Variants in LCP2 observed in about 807,000 individuals in gnomAD.
LCP2 encodes 76 kDa tyrosine phosphoprotein.
In LCP2, 29 loss-of-function variants were observed where a neutral mutation model predicts 74.5. That is an observed-to-expected ratio of 0.39 (90% CI 0.29 to 0.53). LCP2 has a LOEUF of 0.53. LCP2 is among the 20% of genes least tolerant of loss of function. The pLI is 0.72. For synonymous variants in LCP2, 228 were observed against 229.5 expected (o/e 0.99, Z 0.06); for missense variants, 604 against 634.6 (o/e 0.95, Z 0.52).
rs1312736694 is a variant in LCP2 at position 170,266,872 on chromosome 5, G to C, written c.708C>G (p.Asp236Glu). ...GATCTAGGGGAGGTTTCGTGCTTCTGTCTATTGAAGGAGCAGGGACTGGAA... is the reference window on the plus strand; with the variant it reads ...GATCTAGGGGAGGTTTCGTGCTTCTCTCTATTGAAGGAGCAGGGACTGGAA... ...KTAKLPAPSI[D>E]RSTKPPLDRS... is the part of the protein sequence containing the mutation. Residue 236 changes from aspartate to glutamate, a missense_variant, in exon 10 of 21, where the codon GAC becomes GAG. Asp to Glu is a conservative substitution (Grantham distance 45, BLOSUM62 2). Coordinates refer to ENST00000046794, the MANE Select transcript of LCP2 (RefSeq NM_005565.5). The C allele has an allele frequency of 3.1e-6, 5 of 1,613,872 alleles. No homozygotes were observed. The highest frequency in any genetic ancestry group is 4.2e-6 in the Non-Finnish European group (5 of 1,179,790).
In LCP2 at chr5:170,246,788, A is replaced by C. The variant is rs1294025806; in HGVS notation, c.*1909T>G. The C allele has an allele frequency of 5.3e-5, 8 of 152,362 alleles. No individual in the cohort carries two copies. Among genetic ancestry groups the C allele is most frequent in the Middle Eastern group, 6.8e-3 (2 of 294 alleles). The allele number at this position is 152,362 out of a possible 1,614,324, so 9.4% of individuals were successfully genotyped here. A position where few individuals can be genotyped will look rare whatever the true frequency, so the allele number is the denominator to read the frequency against. On this transcript the variant is annotated 3_prime_UTR_variant, in exon 21 of 21. Transcript: ENST00000046794. Reference sequence around the variant, plus strand: ...GGTTCTGAGCAACTGTGACTGATGCACCTGGGGTCATATAGAAGGTCTGTG... The same window carrying C: ...GGTTCTGAGCAACTGTGACTGATGCCCCTGGGGTCATATAGAAGGTCTGTG...
chr5:170,268,496 A>G lies in LCP2; in HGVS notation c.524-14T>C, dbSNP rs1761814975. The G allele has an allele frequency of 4.0e-6, 1 of 250,878 alleles. No homozygotes were observed. Among genetic ancestry groups the G allele is most frequent in the Non-Finnish European group, 8.5e-6 (1 of 117,934 alleles). The allele number at this position is 250,878 out of a possible 1,614,324, so 15.5% of individuals were successfully genotyped here. A position where few individuals can be genotyped will look rare whatever the true frequency, so the allele number is the denominator to read the frequency against. On this transcript the variant is annotated splice_polypyrimidine_tract_variant and intron_variant, in intron 7 of 20. Transcript: ENST00000046794. ...AGGGGGGCCGGTCTGTGGAAACACA[A>G]GGTTATTAAAGTGAAAGGGGAGTAT...
intron 13 of LCP2, among the ~76,000 whole-genome samples, chr5:170,261,389 ATG>A (rs1554139945): frequency 2.3e-4 from 34 of 146,328 alleles, no homozygotes; most frequent in South Asian, 4.4e-4. Context: ...GCAAATAATT[ATG>A]TGTGTGTGTG....
At chr5:170,297,235 C>A (rs1762406025) in intron 1 of LCP2, among the ~76,000 whole-genome samples, 1 of 152,154 alleles carries the variant, frequency 6.6e-6, no homozygotes, top group Non-Finnish European at 1.5e-5. Flanking sequence ...ACAATGCTGA[C>A]CTCACAACAT....
intron 20 of LCP2, 92 bp from the exon 21 acceptor site, chr5:170,248,911 C>T: frequency 8.0e-7 from 1 of 1,249,286 alleles, no homozygotes; most frequent in Admixed American, 1.9e-5. Flanking sequence ...TATATGCTGC[C>T]TCTTCAAGTG....
At chr5:170,271,071 T>G (rs375467226) in intron 6 of LCP2, among the ~76,000 whole-genome samples, 154 bp from the exon 7 acceptor site, 1 of 152,170 alleles carries the variant, frequency 6.6e-6, no homozygotes, top group Non-Finnish European at 1.5e-5. Context: ...ATGAGGAATC[T>G]GAGGTCAGGG....
At chr5:170,264,000 C>T (rs953711619) in intron 10 of LCP2, among the ~76,000 whole-genome samples, 7 of 152,190 alleles carry the variant, frequency 4.6e-5, no homozygotes, top group African/African-American at 1.7e-4. Flanking sequence ...CATAACATTG[C>T]TCCAGAAATG....
chr5:170,258,240 C>T, intron 15 of LCP2, 74 bp from the exon 16 acceptor site: 1 of 1,520,726 alleles, frequency 6.6e-7, no homozygotes, highest in South Asian at 1.1e-5. Context: ...CATAACCGCC[C>T]CCCAGTTAGA....
In LCP2 at chr5:170,253,120, T is replaced by G; in HGVS notation, c.1244A>C (p.Glu415Ala). 6.2e-7 allele frequency: 1 copy of G among 1,602,974 alleles called. No homozygotes were observed. Among genetic ancestry groups the G allele is most frequent in the Non-Finnish European group, 8.5e-7 (1 of 1,172,356 alleles). ...KPRPPSPAEE[E>A]NSLNEEWYVS... is the part of the protein sequence containing the mutation. ...AAAAATAAAAACATGCTCTCTTACC[T>G]CTTCCTCCGCGGGGGATGGGGGCCG... The change falls in exon 18 of 21, where the codon GAG (glutamate) becomes GCG (alanine). Residue 415 changes from glutamate (E) to alanine (A), a missense_variant and splice_region_variant. Transcript: ENST00000046794.
intron 2 of LCP2, among the ~76,000 whole-genome samples, chr5:170,290,540 A>G (rs1457581995): frequency 6.6e-6 from 1 of 152,148 alleles, no homozygotes; most frequent in Non-Finnish European, 1.5e-5. Flanking sequence ...ACCATTCACC[A>G]TACACCTTCT....
At chr5:170,276,981 C>T (rs1762017437) in intron 3 of LCP2, among the ~76,000 whole-genome samples, 1 of 148,220 alleles carries the variant, frequency 6.7e-6, no homozygotes, top group Non-Finnish European at 1.5e-5. Context: ...GAGACTGAGG[C>T]AGAAGAATCA....
In LCP2 at chr5:170,289,671, T is replaced by TTCTTTCTCTC. The variant is rs1554141414; in HGVS notation, c.142-1656_142-1655insGAGAGAAAGA. Among the ~76,000 whole-genome samples, 443 of 84,034 alleles carry TTCTTTCTCTC rather than the reference T, an allele frequency of 5.3e-3. 1 individual carries two copies. The highest frequency in any genetic ancestry group is 0.014 in the Middle Eastern group (2 of 146). The allele number at this position is 84,034 out of a possible 152,430, so 55.1% of individuals were successfully genotyped here. On this transcript the variant is annotated intron_variant, in intron 2 of 20. Transcript: ENST00000046794. ...TTTCTTTCTTTCTTTCTTTCTTTCT[T>TTCTTTCTCTC]TCTCTCTCTCTCTCTTTCTTTCTTT...
At chr5:170,289,840 G>C (rs1471598469) in intron 2 of LCP2, among the ~76,000 whole-genome samples, 1 of 149,870 alleles carries the variant, frequency 6.7e-6, no homozygotes, top group Non-Finnish European at 1.5e-5. Flanking sequence ...CATGTTTTGA[G>C]TGTGGTGTGA....
chr5:170,288,580 C>T (rs1199803955), intron 2 of LCP2, among the ~76,000 whole-genome samples: 1 of 152,196 alleles, frequency 6.6e-6, no homozygotes, highest in South Asian at 2.1e-4. Context: ...GAGAAAGAAA[C>T]TCATATTTGT....
intron 8 of LCP2, among the ~76,000 whole-genome samples, chr5:170,267,481 G>A (rs951138246): frequency 1.3e-5 from 2 of 152,096 alleles, no homozygotes; most frequent in Middle Eastern, 3.4e-3. Flanking sequence ...TCAAGGTTAT[G>A]CCCTCTTTGG....
intron 2 of LCP2, among the ~76,000 whole-genome samples, chr5:170,289,613 TTCTTTTTCTTTCTTTCTTTCTTTCTTTC>T (rs1436682743): frequency 1.4e-5 from 2 of 144,014 alleles, no homozygotes; most frequent in African/African-American, 2.7e-5. Flanking sequence ...CTTTCTTTCT[TTCTTTTTCTTTCTTTCTTTCTTTCTTTC>T]TTTCTTTCTT....
intron 10 of LCP2, among the ~76,000 whole-genome samples, 155 bp downstream of exon 10, chr5:170,266,653 G>A (rs994355381): frequency 2.6e-5 from 4 of 152,276 alleles, no homozygotes; most frequent in East Asian, 3.9e-4. Flanking sequence ...TTGTGTCTCC[G>A]TTTCCTTATC....
chr5:170,273,443 C>CAA (rs1171589661), intron 6 of LCP2, among the ~76,000 whole-genome samples: 1 of 151,960 alleles, frequency 6.6e-6, no homozygotes, highest in Admixed American at 6.5e-5. Flanking sequence ...TTTCTTTTAC[C>CAA]AGAATCCCAA....
chr5:170,269,430 G>T (rs1761851481), intron 7 of LCP2, among the ~76,000 whole-genome samples: 1 of 152,152 alleles, frequency 6.6e-6, no homozygotes, highest in South Asian at 2.1e-4. Context: ...TAGGAGCAAG[G>T]CCCAGCCTGA....
Sources: allele counts gnomAD v4.1 joint callset (sites outside exome capture counted in the v4.1 genomes callset), GRCh38; gene constraint gnomAD v4.1.1; transcripts MANE v1.5; gene names NCBI Gene and HGNC (gene_info 2026-07-23, HGNC 2026-07-21).